The following CLDN10 variants were observed in gnomAD, a reference collection of about 807,000 sequenced individuals.
CLDN10 encodes the protein claudin 10.
A neutral mutation model predicts 22.9 loss-of-function variants in CLDN10; 15 were observed. The observed-to-expected ratio is 0.65, with a 90% CI of 0.44 to 1.01. CLDN10 has a LOEUF of 1.01. Among genes scored for constraint, CLDN10 ranks in the 50% least tolerant of loss-of-function variants. The pLI, the probability that CLDN10 is intolerant of heterozygous loss-of-function variation, is 0.00. For missense variants in CLDN10, 247 were observed against 287.8 expected (o/e 0.86, Z 1.03); for synonymous variants, 114 against 111.4 (o/e 1.02, Z -0.15).
chr13:95,573,246 T>TA (rs991626392), intron 3 of CLDN10, among the ~76,000 whole-genome samples: 19 of 152,274 alleles, frequency 1.2e-4, no homozygotes, highest in African/African-American at 4.6e-4. Context: ...ATTGAAGTTA[T>TA]ACGCGCAGCT....
intron 1 of CLDN10, among the ~76,000 whole-genome samples, chr13:95,436,662 C>G (rs180843618): frequency 6.6e-6 from 1 of 152,286 alleles, no homozygotes; most frequent in African/African-American, 2.4e-5. Context: ...GAGTCAAAAT[C>G]TTTATAAATG....
At chr13:95,468,064 G>A (rs750625046) in intron 1 of CLDN10, among the ~76,000 whole-genome samples, 2 of 152,084 alleles carry the variant, frequency 1.3e-5, no homozygotes, top group Non-Finnish European at 1.5e-5. Context: ...ATCTAAAAAC[G>A]CCCTCACAGA....
At chr13:95,462,154 T>C (rs942398202) in intron 1 of CLDN10, among the ~76,000 whole-genome samples, 2 of 152,206 alleles carry the variant, frequency 1.3e-5, no homozygotes, top group African/African-American at 4.8e-5. Context: ...AAGAATTTTG[T>C]TGGGTAAAGC....
At chr13:95,559,987 C>T (rs2043684256) in intron 1 of CLDN10, 145 bp from the exon 2 acceptor site, 1 of 773,580 alleles carries the variant, frequency 1.3e-6, no homozygotes, top group Admixed American at 2.8e-5. Context: ...AACTTGCTTT[C>T]CTTTCTTGCT....
At chr13:95,562,742 C>T (rs535177828) in intron 3 of CLDN10, among the ~76,000 whole-genome samples, 10 of 152,224 alleles carry the variant, frequency 6.6e-5, no homozygotes, top group East Asian at 3.9e-4. Flanking sequence ...CTCACTCTTC[C>T]GCATTATCTT....
chr13:95,447,010 A>G (rs1263505238), intron 1 of CLDN10, among the ~76,000 whole-genome samples: 2 of 152,022 alleles, frequency 1.3e-5, no homozygotes, highest in Non-Finnish European at 2.9e-5. Flanking sequence ...TGGCGGGGGC[A>G]GGGGGATACA....
intron 1 of CLDN10, among the ~76,000 whole-genome samples, chr13:95,448,428 A>G (rs777438824): frequency 3.3e-5 from 5 of 152,126 alleles, no homozygotes; most frequent in Non-Finnish European, 5.9e-5. Context: ...ACCTACATAC[A>G]CATACACCAT....
chr13:95,511,275 T>C (rs1185306024), intron 1 of CLDN10, among the ~76,000 whole-genome samples: 2 of 152,096 alleles, frequency 1.3e-5, no homozygotes, highest in African/African-American at 2.4e-5. Flanking sequence ...CAAGCCATTG[T>C]GGGATTTTCT....
chr13:95,573,071 C>T (rs957253825), intron 3 of CLDN10, among the ~76,000 whole-genome samples: 2 of 152,210 alleles, frequency 1.3e-5, no homozygotes, highest in African/African-American at 4.8e-5. Context: ...GGGCAACAGC[C>T]TACAGCACCA....
In CLDN10 at chr13:95,577,204, T is replaced by C. The variant is rs773696060; in HGVS notation, c.465-27T>C. The C allele has an allele frequency of 2.7e-6, 4 of 1,464,526 alleles. No homozygotes were observed. In the Admixed American group the frequency reaches 6.7e-5, roughly 25 times the overall value. The allele number at this position is 1,464,526 out of a possible 1,614,324, so 90.7% of individuals were successfully genotyped here. A position where few individuals can be genotyped will look rare whatever the true frequency, so the allele number is the denominator to read the frequency against. On this transcript the variant is annotated intron_variant, in intron 3 of 4. Coordinates refer to ENST00000299339, the MANE Select transcript of CLDN10 (RefSeq NM_006984.5). ...GTTTACTCTCCAAATAAGTGAGCTG[T>C]AATACTTGTGTAATGCTTTCTCACA...
chr13:95,509,319 T>C (rs2043071386), intron 1 of CLDN10, among the ~76,000 whole-genome samples: 1 of 152,210 alleles, frequency 6.6e-6, no homozygotes, highest in South Asian at 2.1e-4. Context: ...CTGCTAGGTC[T>C]GTTTACAATG....
At position 95,437,150 on chromosome 13, in the gene CLDN10, A is replaced by G. The variant is rs553696366; in HGVS notation, c.214+3103A>G. Reference sequence around the variant, plus strand: ...TGCTCCAGTGTAGCCACAGCTTTTTAGGGCTTCATTTGGATTAATAGTGAC... The same window carrying G: ...TGCTCCAGTGTAGCCACAGCTTTTTGGGGCTTCATTTGGATTAATAGTGAC... On this transcript the variant is annotated intron_variant, in intron 1 of 4. Coordinates refer to the CLDN10 transcript ENST00000376873. 4.6e-5 allele frequency among the ~76,000 whole-genome samples: 7 copies of G among 152,180 alleles called. No homozygotes were observed. In the South Asian group the frequency reaches 1.5e-3, roughly 32 times the overall value.
intron 1 of CLDN10, among the ~76,000 whole-genome samples, chr13:95,444,168 C>T (rs1173128278): frequency 1.3e-5 from 2 of 152,236 alleles, no homozygotes; most frequent in African/African-American, 4.8e-5. Flanking sequence ...GACTAAATTG[C>T]ATCCTAAAGG....
At chr13:95,498,900 C>T (rs567214746) in intron 1 of CLDN10, among the ~76,000 whole-genome samples, 3 of 152,266 alleles carry the variant, frequency 2.0e-5, no homozygotes, top group South Asian at 2.1e-4. Flanking sequence ...CTGCCACTGC[C>T]GGGCAACCAC....
chr13:95,524,117 A>G (rs2043251918), intron 1 of CLDN10, among the ~76,000 whole-genome samples: 1 of 143,568 alleles, frequency 7.0e-6, no homozygotes, highest in African/African-American at 2.5e-5. Context: ...TTTGAGACAG[A>G]GTCTCACTCT....
intron 1 of CLDN10, among the ~76,000 whole-genome samples, chr13:95,504,662 G>A (rs2043019889): frequency 6.6e-6 from 1 of 151,880 alleles, no homozygotes; most frequent in Non-Finnish European, 1.5e-5. Context: ...TTACAAGCAT[G>A]AGCCACCACG....
intron 1 of CLDN10, among the ~76,000 whole-genome samples, chr13:95,515,397 G>T (rs2138571840): frequency 6.6e-6 from 1 of 152,146 alleles, no homozygotes; most frequent in East Asian, 1.9e-4. Flanking sequence ...ACGGGGTTTT[G>T]CCATGTTGGC....
intron 1 of CLDN10, among the ~76,000 whole-genome samples, chr13:95,516,776 T>C (rs1018101907): frequency 1.3e-5 from 2 of 152,158 alleles, no homozygotes; most frequent in Non-Finnish European, 2.9e-5. Flanking sequence ...GGGAATCTCA[T>C]CTTCTTAAGA....
At chr13:95,533,487 A>G (rs368814063) in intron 1 of CLDN10, among the ~76,000 whole-genome samples, 3 of 152,210 alleles carry the variant, frequency 2.0e-5, no homozygotes, top group Non-Finnish European at 4.4e-5. Flanking sequence ...TTGTTTTCCA[A>G]TGGGACTATT....
Sources: gnomAD v4.1 joint callset for allele counts (sites outside exome capture counted in the v4.1 genomes callset) on GRCh38, gnomAD v4.1.1 for gene constraint, MANE v1.5 for transcripts, NCBI Gene and HGNC (gene_info 2026-07-23, HGNC 2026-07-21) for gene names.